RAP1A: variants seen among roughly 807,000 people sequenced by gnomAD.
RAP1A encodes RAP1A, member of RAS oncogene family, also known as ras-related protein Rap-1A.
In RAP1A, 6 loss-of-function variants were observed where a neutral mutation model predicts 26.4. The observed-to-expected ratio is 0.23, with a 90% confidence interval of 0.12 to 0.45. RAP1A has a LOEUF of 0.45. Among genes scored for constraint, RAP1A ranks in the 20% least tolerant of loss-of-function variants. RAP1A has a pLI of 0.99. For missense variants in RAP1A, 121 were observed against 217.2 expected, an observed-to-expected ratio of 0.56 and a Z score of 2.78; for synonymous variants, 73 against 79.4, an observed-to-expected ratio of 0.92 and a Z score of 0.43.
intron 1 of RAP1A, among the ~76,000 whole-genome samples, chr1:111,579,616 G>T (rs1371387215): frequency 6.6e-6 from 1 of 152,106 alleles, no homozygotes; most frequent in Non-Finnish European, 1.5e-5. Flanking sequence ...GGGTCACATT[G>T]TTGTAAGATG....
intron 1 of RAP1A, among the ~76,000 whole-genome samples, chr1:111,676,132 C>T (rs951455340): frequency 2.0e-5 from 3 of 152,028 alleles, no homozygotes; most frequent in Non-Finnish European, 4.4e-5. Flanking sequence ...TGAGGACAGG[C>T]GGATCATGAG....
intron 1 of RAP1A, 130 bp downstream of exon 1, chr1:111,620,064 C>T (rs1191980452): frequency 2.6e-6 from 1 of 392,136 alleles, no homozygotes; most frequent in Non-Finnish European, 4.5e-6. Context: ...CGCGTTCCAT[C>T]GGTGTCGGGG....
At chr1:111,655,658 C>CTTTTTTTT (rs34266778) in intron 1 of RAP1A, among the ~76,000 whole-genome samples, 1 of 85,160 alleles carries the variant, frequency 1.2e-5, no homozygotes, top group African/African-American at 5.3e-5. Flanking sequence ...TGTTCATAGT[C>CTTTTTTTT]TTTTTTTTTT....
intron 1 of RAP1A, among the ~76,000 whole-genome samples, chr1:111,579,026 G>A (rs1434499717): frequency 6.6e-6 from 1 of 152,216 alleles, no homozygotes; most frequent in Non-Finnish European, 1.5e-5. Flanking sequence ...ACAGGGCAAG[G>A]TATGGCAGAG....
chr1:111,685,588 C>T (rs754266600), intron 1 of RAP1A, among the ~76,000 whole-genome samples: 4 of 152,148 alleles, frequency 2.6e-5, no homozygotes, highest in African/African-American at 9.7e-5. Flanking sequence ...CATCTCACGC[C>T]AGTTAGAATA....
In RAP1A at chr1:111,715,942, G is replaced by T. The variant is rs1662528365; in HGVS notation, c.*3541G>T. ...TCTTAGGCACTGAGGGACAGAAAGAGAAATAAGGAATACCTTGGTATTTTC... is the reference window on the plus strand; with the variant it reads ...TCTTAGGCACTGAGGGACAGAAAGATAAATAAGGAATACCTTGGTATTTTC... On this transcript the variant is annotated 3_prime_UTR_variant, in exon 8 of 8. Coordinates refer to ENST00000369709, the MANE Select transcript of RAP1A (RefSeq NM_002884.4). 6.6e-6 allele frequency: 1 copy of T among 152,208 alleles called. No individual in the cohort carries two copies. The highest frequency in any genetic ancestry group is 1.5e-5 in the Non-Finnish European group (1 of 68,030). 9.4% of individuals were successfully genotyped at this position (152,208 alleles called of 1,614,324 possible).
upstream of RAP1A, among the ~76,000 whole-genome samples, chr1:111,617,350 C>T (rs1383672143): frequency 2.0e-5 from 3 of 152,192 alleles, no homozygotes; most frequent in African/African-American, 4.8e-5. Context: ...CCTAGGCCAA[C>T]CCTTTCACTT....
chr1:111,550,977 A>G (rs554382862), intron 1 of RAP1A, among the ~76,000 whole-genome samples: 2 of 151,370 alleles, frequency 1.3e-5, no homozygotes, highest in African/African-American at 4.8e-5. Context: ...TCATTATAAA[A>G]TGTTCTTCTT....
At chr1:111,550,037 T>G (rs1657198800) in intron 1 of RAP1A, among the ~76,000 whole-genome samples, 1 of 152,216 alleles carries the variant, frequency 6.6e-6, no homozygotes, top group Admixed American at 6.5e-5. Flanking sequence ...TTTCTAGTCT[T>G]TCTTGAGTGA....
At chr1:111,598,156 G>A (rs1423858714) in intron 1 of RAP1A, among the ~76,000 whole-genome samples, 1 of 152,106 alleles carries the variant, frequency 6.6e-6, no homozygotes, top group African/African-American at 2.4e-5. Context: ...TGTTCTTTCT[G>A]CTATACCATA....
intron 1 of RAP1A, chr1:111,563,986 G>T: frequency 6.5e-7 from 1 of 1,530,648 alleles, no homozygotes; most frequent in Non-Finnish European, 9.0e-7. Flanking sequence ...AACTGCCACA[G>T]AAGCTTCCAA....
chr1:111,710,565 A>G (rs969175336), intron 7 of RAP1A, among the ~76,000 whole-genome samples: 1 of 152,224 alleles, frequency 6.6e-6, no homozygotes, highest in Non-Finnish European at 1.5e-5. Context: ...AGTTGGTTAC[A>G]CTAACTCTTG....
intron 1 of RAP1A, among the ~76,000 whole-genome samples, chr1:111,662,358 G>A (rs1286405455): frequency 2.2e-5 from 3 of 137,838 alleles, no homozygotes; most frequent in African/African-American, 8.3e-5. Flanking sequence ...TAGCACCATC[G>A]TATTCAGGCT....
At chr1:111,554,669 C>A (rs951181997) in intron 1 of RAP1A, among the ~76,000 whole-genome samples, 6 of 152,204 alleles carry the variant, frequency 3.9e-5, no homozygotes, top group Non-Finnish European at 8.8e-5. Context: ...GCACTTGGTA[C>A]AAGGTCCAAA....
intron 1 of RAP1A, among the ~76,000 whole-genome samples, chr1:111,587,099 T>C (rs1658379891): frequency 6.6e-6 from 1 of 152,092 alleles, no homozygotes; most frequent in African/African-American, 2.4e-5. Context: ...CTCCTTGTCC[T>C]TGTTTTTCCA....
chr1:111,675,470 TAAAAAAAACAAAAC>T (rs139684765), intron 1 of RAP1A, among the ~76,000 whole-genome samples: 19,112 of 151,552 alleles, frequency 0.13, 1,511 homozygotes, highest in South Asian at 0.17. Context: ...AGACTCTGTC[TAAAAAAAACAAAAC>T]AAAAAAAACA....
chr1:111,711,884 T>G (rs1662395809), intron 7 of RAP1A, among the ~76,000 whole-genome samples: 1 of 152,196 alleles, frequency 6.6e-6, no homozygotes, highest in Non-Finnish European at 1.5e-5. Flanking sequence ...GATTCTTGTC[T>G]GTTGACAATA....
At chr1:111,607,205 T>C (rs1658803757) in intron 1 of RAP1A, among the ~76,000 whole-genome samples, 1 of 151,452 alleles carries the variant, frequency 6.6e-6, no homozygotes, top group Admixed American at 6.6e-5. Flanking sequence ...TACTTGAGAT[T>C]AGGGAGTGGT....
intron 4 of RAP1A, among the ~76,000 whole-genome samples, chr1:111,702,448 A>C (rs989622653): frequency 6.6e-6 from 1 of 152,228 alleles, no homozygotes; most frequent in African/African-American, 2.4e-5. Context: ...ACTAAAGCTC[A>C]GTAACTAAAT....
Sources: gnomAD v4.1 joint callset for allele counts (sites outside exome capture counted in the v4.1 genomes callset) on GRCh38, gnomAD v4.1.1 for gene constraint, MANE v1.5 for transcripts, NCBI Gene and HGNC (gene_info 2026-07-23, HGNC 2026-07-21) for gene names.